The following ATP11B variants were observed in gnomAD, a reference collection of about 807,000 sequenced individuals.
ATP11B encodes the protein phospholipid-transporting ATPase IF.
Under a neutral mutation model 157.8 loss-of-function variants are expected in ATP11B, and 81 were observed. That is an observed-to-expected ratio of 0.51 (90% CI 0.43 to 0.62). The LOEUF is 0.62. Among genes scored for constraint, ATP11B ranks in the 20% least tolerant of loss-of-function variants. ATP11B has a pLI of 0.00. For missense variants in ATP11B, 1,165 were observed against 1,402.2 expected, an observed-to-expected ratio of 0.83 and a Z score of 2.70; for synonymous variants, 451 against 469.4, an observed-to-expected ratio of 0.96 and a Z score of 0.51.
At chr3:182,899,052 A>G (rs1415802846) in intron 28 of ATP11B, among the ~76,000 whole-genome samples, 2 of 152,080 alleles carry the variant, frequency 1.3e-5, no homozygotes, top group Non-Finnish European at 2.9e-5. Context: ...TATCCAGATA[A>G]TAATAGTAAA....
chr3:182,871,910 G>A (rs1721689031), intron 17 of ATP11B, among the ~76,000 whole-genome samples: 1 of 152,002 alleles, frequency 6.6e-6, no homozygotes, highest in Admixed American at 6.5e-5. Context: ...CCACCTCCCG[G>A]GTTCACGCCA....
At chr3:182,906,223 T>C (rs6443834) in intron 28 of ATP11B, among the ~76,000 whole-genome samples, 72,889 of 152,040 alleles carry the variant, frequency 0.48, 20,303 homozygotes, top group African/African-American at 0.77. Flanking sequence ...TACTCCTTTT[T>C]ACTTCTCCTT....
chr3:182,841,886 G>A (rs1719055009), intron 7 of ATP11B, among the ~76,000 whole-genome samples, 189 bp from the exon 8 acceptor site: 1 of 150,958 alleles, frequency 6.6e-6, no homozygotes. Context: ...GACTGAGGCA[G>A]GAGAATGGCA....
intron 12 of ATP11B, among the ~76,000 whole-genome samples, chr3:182,862,738 A>G (rs1328076896): frequency 6.6e-6 from 1 of 151,618 alleles, no homozygotes; most frequent in Non-Finnish European, 1.5e-5. Flanking sequence ...CCACTCATTC[A>G]TCTCCTTTTC....
chr3:182,837,026 G>A (rs370770858), intron 6 of ATP11B, 45 bp from the exon 7 acceptor site: 170 of 1,416,894 alleles, frequency 1.2e-4, no homozygotes, highest in Non-Finnish European at 1.4e-4. Context: ...ATTGAAGGTC[G>A]CAATTTGGAT....
intron 28 of ATP11B, 122 bp from the exon 29 acceptor site, chr3:182,913,739 T>C (rs993165381): frequency 1.8e-5 from 27 of 1,498,950 alleles, no homozygotes; most frequent in Non-Finnish European, 2.4e-5. Context: ...TCCCATATTA[T>C]AGAAAAACAT....
Position 182,872,361 on chromosome 3 carries a change from G to C in ATP11B, c.1872G>C (p.Gly624=). ...RIHVDEFALK[G]LRTLCIAYRK... is the part of the protein sequence containing the mutation. ...TTTTTATTTGTTTGTTTTAGAAAGG[G>C]CTAAGAACTCTGTGTATAGCATATA... Residue 624 remains glycine, a synonymous_variant, in exon 18 of 30, where the codon GGG becomes GGC. Coordinates refer to ENST00000323116, the MANE Select transcript of ATP11B (RefSeq NM_014616.3). 6.4e-7 allele frequency: 1 copy of C among 1,571,922 alleles called. No individual in the cohort carries two copies. Among genetic ancestry groups the C allele is most frequent in the African/African-American group, 1.4e-5 (1 of 73,338 alleles).
chr3:182,807,632 A>G lies in ATP11B; in HGVS notation c.28-12628A>G, dbSNP rs561263590. 2.7e-3 allele frequency among the ~76,000 whole-genome samples: 414 copies of G among 152,304 alleles called. 2 individuals carry two copies. Among genetic ancestry groups the G allele is most frequent in the African/African-American group, 9.1e-3 (380 of 41,574 alleles). ...GCAGCAAAGAGATAAGGTGGTGCCCATTTTTAATAATAGCTTTTATCATAT... is the reference window on the plus strand; with the variant it reads ...GCAGCAAAGAGATAAGGTGGTGCCCGTTTTTAATAATAGCTTTTATCATAT... On this transcript the variant is annotated intron_variant, in intron 1 of 29. Coordinates refer to ENST00000323116, the MANE Select transcript of ATP11B (RefSeq NM_014616.3).
At chr3:182,874,070 C>G in intron 19 of ATP11B, 55 bp downstream of exon 19, 2 of 1,509,560 alleles carry the variant, frequency 1.3e-6, no homozygotes, top group Non-Finnish European at 1.8e-6. Flanking sequence ...ACTATGGTTC[C>G]CTGGGCCCGA....
chr3:182,909,606 G>T (rs529887903), intron 28 of ATP11B, among the ~76,000 whole-genome samples: 2 of 151,944 alleles, frequency 1.3e-5, no homozygotes, highest in Non-Finnish European at 2.9e-5. Context: ...AATTATACTG[G>T]CAACTATGTC....
chr3:182,889,276 C>T (rs1003581364), intron 24 of ATP11B, 134 bp from the exon 25 acceptor site: 3 of 629,528 alleles, frequency 4.8e-6, no homozygotes, highest in Admixed American at 3.7e-5. Context: ...TTTATTTATT[C>T]TTTGTGCTAA....
chr3:182,829,238 T>C (rs897619075), intron 3 of ATP11B, among the ~76,000 whole-genome samples: 1 of 152,194 alleles, frequency 6.6e-6, no homozygotes, highest in African/African-American at 2.4e-5. Flanking sequence ...TTCCTAGTTA[T>C]CCACCTCTGG....
At chr3:182,833,440 C>T (rs1424925409) in intron 4 of ATP11B, among the ~76,000 whole-genome samples, 1 of 152,116 alleles carries the variant, frequency 6.6e-6, no homozygotes, top group East Asian at 1.9e-4. Flanking sequence ...ATCCTTCCAC[C>T]TCAGCCTACC....
chr3:182,835,954 T>G, intron 4 of ATP11B, 81 bp from the exon 5 acceptor site: 4 of 1,147,444 alleles, frequency 3.5e-6, no homozygotes, highest in Non-Finnish European at 1.2e-6. Flanking sequence ...CCAGGGAAGT[T>G]TTTGAGTTTT....
Position 182,861,197 on chromosome 3 carries a change from C to G in ATP11B, c.1200+1838C>G, listed in dbSNP as rs186952825. Among the ~76,000 whole-genome samples the G allele has an allele frequency of 3.6e-3, 552 of 151,712 alleles. 5 individuals carry two copies. The highest frequency in any genetic ancestry group is 0.013 in the African/African-American group (523 of 41,300). On this transcript the variant is annotated intron_variant, in intron 12 of 29. Coordinates refer to ENST00000323116, the MANE Select transcript of ATP11B (RefSeq NM_014616.3). ...TCTTCTACCTCAGCCTCCCGAGTAG[C>G]TGGGATTACAGGCATGTGCCACCAC... is the stretch of plus-strand genomic sequence containing the variant.
At chr3:182,898,842 A>C in intron 28 of ATP11B, 70 bp downstream of exon 28, 1 of 1,080,482 alleles carries the variant, frequency 9.3e-7, no homozygotes, top group Non-Finnish European at 1.2e-6. Context: ...AGCTGTCATT[A>C]TAATTTGATT....
In ATP11B at chr3:182,793,790, G is replaced by A; in HGVS notation, c.27+4G>A. On this transcript the variant is annotated splice_donor_region_variant and intron_variant, in intron 1 of 29. Coordinates refer to ENST00000323116, the MANE Select transcript of ATP11B (RefSeq NM_014616.3). Reference sequence around the variant, plus strand: ...GCGCTGGATCCGGCAGCAGCTGGTAGGTGCCCCCGCCCCTCCACCTCCATT... The same window carrying A: ...GCGCTGGATCCGGCAGCAGCTGGTAAGTGCCCCCGCCCCTCCACCTCCATT... 2.9e-6 allele frequency: 4 copies of A among 1,395,818 alleles called. No individual in the cohort carries two copies. Among genetic ancestry groups the A allele is most frequent in the Non-Finnish European group, 3.7e-6 (4 of 1,068,012 alleles). 86.5% of individuals were successfully genotyped at this position (1,395,818 alleles called of 1,614,324 possible).
chr3:182,827,351 G>A (rs1210850234), intron 2 of ATP11B, among the ~76,000 whole-genome samples: 2 of 152,030 alleles, frequency 1.3e-5, no homozygotes, highest in East Asian at 3.9e-4. Context: ...TCTTCAGTAT[G>A]TTAGCTGATT....
chr3:182,837,036 T>A, intron 6 of ATP11B, 35 bp from the exon 7 acceptor site: 1 of 1,509,558 alleles, frequency 6.6e-7, no homozygotes, highest in African/African-American at 1.4e-5. Flanking sequence ...GCAATTTGGA[T>A]CTGAAAACTC....
Sources: allele counts gnomAD v4.1 joint callset (sites outside exome capture counted in the v4.1 genomes callset), GRCh38; gene constraint gnomAD v4.1.1; transcripts MANE v1.5; gene names NCBI Gene and HGNC (gene_info 2026-07-23, HGNC 2026-07-21).